MSH5: variants seen among roughly 807,000 people sequenced by gnomAD.
The protein encoded by MSH5 is mutS homolog 5, also known as mutS protein homolog 5.
A neutral mutation model predicts 107.7 loss-of-function variants in MSH5; 78 were observed. The ratio of observed to expected loss-of-function variants is 0.72; its 90% CI spans 0.60 to 0.87. The LOEUF is 0.87. Among genes scored for constraint, MSH5 ranks in the 40% least tolerant of loss-of-function variants. The probability of loss-of-function intolerance (pLI) is 0.00; values close to 1 mark genes in which losing one functional copy is unlikely to be tolerated. For missense variants in MSH5, 889 were observed against 1,046.6 expected (o/e 0.85, Z 2.08); for synonymous variants, 326 against 399.5 (o/e 0.82, Z 2.19).
intron 4 of MSH5, 39 bp downstream of exon 4, chr6:31,742,996 G>C: frequency 6.2e-6 from 10 of 1,610,984 alleles, no homozygotes; most frequent in Non-Finnish European, 8.5e-6. Context: ...AATGGGGAAG[G>C]ACTAATATAT....
Position 31,759,606 on chromosome 6 carries a change from C to A in MSH5, c.1495+94C>A. ...GGAGTGGGCAACTTGGGGATGCTTC[C>A]AACAGGCCCCTCCTCTTCCTGCTCT... On this transcript the variant is annotated intron_variant, in intron 17 of 24. Transcript: ENST00000375750. This position sits in a 1 kb window ranked among gnomAD's most constrained non-coding sequence, Gnocchi z 4.7. The A allele has an allele frequency of 1.4e-6, 2 of 1,401,350 alleles. No individual in the cohort carries two copies. Among genetic ancestry groups the A allele is most frequent in the South Asian group, 1.2e-5 (1 of 83,844 alleles). The allele number at this position is 1,401,350 out of a possible 1,614,324, so 86.8% of individuals were successfully genotyped here. A position where few individuals can be genotyped will look rare whatever the true frequency, so the allele number is the denominator to read the frequency against.
In MSH5 at chr6:31,740,504, A is replaced by G; in HGVS notation, c.38A>G (p.Gln13Arg). The G allele has an allele frequency of 6.4e-7, 1 of 1,566,722 alleles. No individual in the cohort carries two copies. The highest frequency in any genetic ancestry group is 8.7e-7 in the Non-Finnish European group (1 of 1,155,484). The part of the protein sequence containing the change: ...SLGANPRRTP[Q>R]GPRPGAASSG... ...GGAGCGAACCCAAGGAGGACACCGC[A>G]GGGACCGAGACCTGGGGCGGCCTCC... Residue 13 changes from glutamine (Q) to arginine (R), a missense_variant, in exon 2 of 25, where the codon CAG becomes CGG. By Grantham distance (43) the Gln-to-Arg change is conservative (BLOSUM62 1). Transcript: ENST00000375750. This position sits in a 1 kb window ranked among gnomAD's most constrained non-coding sequence, Gnocchi z 4.4.
chr6:31,758,653 C>T lies in MSH5; in HGVS notation c.1216+33C>T. 6.2e-7 allele frequency: 1 copy of T among 1,613,102 alleles called. No individual in the cohort carries two copies. On this transcript the variant is annotated intron_variant, in intron 14 of 24. Transcript: ENST00000375750. The surrounding 1 kb of genome is among the most constrained non-coding windows in gnomAD (Gnocchi z 5.1). Reference sequence around the variant, plus strand: ...TTGGGTGTGGATGGGCCTGTGAGCCCTGCGCAGTGATGGAGTACCATCCTT... The same window carrying T: ...TTGGGTGTGGATGGGCCTGTGAGCCTTGCGCAGTGATGGAGTACCATCCTT...
chr6:31,759,642 CACTCTG>C lies in MSH5; in HGVS notation c.1495+136_1496-133del. 3.0e-6 allele frequency: 4 copies of C among 1,333,362 alleles called. No homozygotes were observed. Among genetic ancestry groups the C allele is most frequent in the Admixed American group, 1.9e-5 (1 of 51,516 alleles). 82.6% of individuals were successfully genotyped at this position (1,333,362 alleles called of 1,614,324 possible). On this transcript the variant is annotated intron_variant, in intron 17 of 24. Coordinates refer to ENST00000375750, the MANE Select transcript of MSH5 (RefSeq NM_172166.4). The surrounding 1 kb of genome is among the most constrained non-coding windows in gnomAD (Gnocchi z 4.7). ...TCCTCTTCCTGCTCTCTGTCTCGCT[CACTCTG>C]ACTCTATCTTTTCCTCTGAATGTCT...
In MSH5 at chr6:31,743,290, C is replaced by T. The variant is rs556927237; in HGVS notation, c.415+120C>T. On this transcript the variant is annotated intron_variant, in intron 5 of 24. Coordinates refer to ENST00000375750, the MANE Select transcript of MSH5 (RefSeq NM_172166.4). ...TTATGTCATCCTAAACCTTTGTGCT[C>T]CTCATGCCCTATGACCTGTCCCCCC... The T allele has an allele frequency of 1.9e-4, 200 of 1,045,750 alleles. No individual in the cohort carries two copies. The African/African-American group carries it at 2.1e-3, about 11-fold the overall frequency. The allele number at this position is 1,045,750 out of a possible 1,614,324, so 64.8% of individuals were successfully genotyped here.
Position 31,740,311 on chromosome 6 carries a change from G to A in MSH5, c.-13-143G>A. On this transcript the variant is annotated intron_variant, in intron 1 of 24. Coordinates refer to ENST00000375750, the MANE Select transcript of MSH5 (RefSeq NM_172166.4). The surrounding 1 kb of genome is among the most constrained non-coding windows in gnomAD (Gnocchi z 4.4). ...AAATACCCGAGAATTCACCTCCTGT[G>A]TCCACAGCTCTCCACGCCCCTCAGC... 2 of 772,780 alleles carry A rather than the reference G, an allele frequency of 2.6e-6. No individual in the cohort carries two copies. Among genetic ancestry groups the A allele is most frequent in the Non-Finnish European group, 4.0e-6 (2 of 499,442 alleles). The allele number at this position is 772,780 out of a possible 1,614,324, so 47.9% of individuals were successfully genotyped here.
At chr6:31,762,220 G>A in intron 24 of MSH5, 35 bp downstream of exon 24, 1 of 1,605,344 alleles carries the variant, frequency 6.2e-7, no homozygotes, top group Admixed American at 1.7e-5. Context: ...TACCCTCTCT[G>A]CATCTTCTCC....
intron 10 of MSH5, among the ~76,000 whole-genome samples, chr6:31,750,585 G>A (rs1174354965): frequency 1.3e-5 from 2 of 152,210 alleles, no homozygotes; most frequent in Non-Finnish European, 2.9e-5. Context: ...CGAGCAGGGC[G>A]TGAGTCAGAG....
rs551896802 is a variant in MSH5, at chr6:31,760,985, T to A, written c.1962+146T>A. ...GCACTAAGGTCAGAGATAAGAAGAA[T>A]CAATACCATAAACATTTCTTGAACC... On this transcript the variant is annotated intron_variant, in intron 20 of 24. Coordinates refer to ENST00000375750, the MANE Select transcript of MSH5 (RefSeq NM_172166.4). The surrounding 1 kb of genome is among the most constrained non-coding windows in gnomAD (Gnocchi z 5.6). 1.2e-5 allele frequency: 13 copies of A among 1,102,392 alleles called. No homozygotes were observed. The highest frequency in any genetic ancestry group is 2.6e-4 in the Middle Eastern group (1 of 3,838). 68.3% of individuals were successfully genotyped at this position (1,102,392 alleles called of 1,614,324 possible). A position where few individuals can be genotyped will look rare whatever the true frequency, so the allele number is the denominator to read the frequency against.
In MSH5 at chr6:31,741,336, TACACACACACACACACACAC is replaced by T. The variant is rs9279401; in HGVS notation, c.271+78_271+97del. 1.0e-3 allele frequency: 930 copies of T among 897,106 alleles called. 2 individuals are homozygous for T. The highest frequency in any genetic ancestry group is 5.7e-3 in the South Asian group (337 of 59,584). 55.6% of individuals were successfully genotyped at this position (897,106 alleles called of 1,614,324 possible). On this transcript the variant is annotated intron_variant, in intron 3 of 24. Coordinates refer to ENST00000375750, the MANE Select transcript of MSH5 (RefSeq NM_172166.4). ...CTGCTCTCTGGGATTGCAGATGTGT[TACACACACACACACACACAC>T]ACACACACACACACACACACACACA...
Position 31,753,349 on chromosome 6 carries a change from T to C in MSH5, c.861T>C (p.Arg287=). The change falls in exon 11 of 25, where the codon CGT becomes CGC. Residue 287 remains arginine (R), a synonymous_variant. Transcript: ENST00000375750. The part of the protein sequence containing the change: ...PTHDLGELSS[R]LDVIQFFLLP... ...ATGACCTGGGGGAGCTCAGTTCTCG[T>C]CTGGACGTCATTCAGTTTTTTCTGC... 1 of 1,614,174 alleles carries C rather than the reference T, an allele frequency of 6.2e-7. No homozygotes were observed. Among genetic ancestry groups the C allele is most frequent in the East Asian group, 2.2e-5 (1 of 44,882 alleles).
intron 5 of MSH5, among the ~76,000 whole-genome samples, chr6:31,743,647 G>A (rs1480168744): frequency 6.6e-6 from 1 of 152,154 alleles, no homozygotes; most frequent in Admixed American, 6.6e-5. Context: ...CTCAATTCCA[G>A]ACAGATGTCT....
Position 31,762,106 on chromosome 6 carries a change from T to A in MSH5, c.2320-6T>A, listed in dbSNP as rs368416708. 161 of 1,614,072 alleles carry A rather than the reference T, an allele frequency of 1.0e-4. No individual in the cohort carries two copies. The highest frequency in any genetic ancestry group is 1.3e-4 in the Non-Finnish European group (157 of 1,180,044). On this transcript the variant is annotated splice_region_variant and splice_polypyrimidine_tract_variant and intron_variant, in intron 23 of 24. Coordinates refer to ENST00000375750, the MANE Select transcript of MSH5 (RefSeq NM_172166.4). ...TTACTCCTCCCACCTTCTTGCTTGT[T>A]CCTAGGTCTCAGACTTGATCCGCAG...
Position 31,761,621 on chromosome 6 carries a change from G to C in MSH5, c.2181+6G>C, listed in dbSNP as rs780469831. 1 of 1,614,130 alleles carries C rather than the reference G, an allele frequency of 6.2e-7. No individual in the cohort carries two copies. Among genetic ancestry groups the C allele is most frequent in the Non-Finnish European group, 8.5e-7 (1 of 1,180,042 alleles). On this transcript the variant is annotated splice_donor_region_variant and intron_variant, in intron 22 of 24. Coordinates refer to ENST00000375750, the MANE Select transcript of MSH5 (RefSeq NM_172166.4). This position sits in a 1 kb window ranked among gnomAD's most constrained non-coding sequence, Gnocchi z 5.3. ...GGCCCCTGGTGCAGTATTTGGTGAG[G>C]AGACCAATCTAGCTCCTCGGGGACC... is the stretch of plus-strand genomic sequence containing the variant.
At chr6:31,747,281 A>T (rs1809548448) in intron 9 of MSH5, 106 bp from the exon 10 acceptor site, 1 of 1,254,286 alleles carries the variant, frequency 8.0e-7, no homozygotes, top group East Asian at 2.4e-5. Flanking sequence ...CAGCTTCCTC[A>T]ACAACCAGCA....
chr6:31,740,729 G>A lies in MSH5; in HGVS notation c.147+116G>A. ...TAATCTTAGCACTTTGGGAGACTGA[G>A]GCGGGCGGATCACCTGAGCTCAGGA... On this transcript the variant is annotated intron_variant, in intron 2 of 24. Transcript: ENST00000375750. The surrounding 1 kb of genome is among the most constrained non-coding windows in gnomAD (Gnocchi z 4.4). 8.3e-7 allele frequency: 1 copy of A among 1,200,590 alleles called. No homozygotes were observed. Among genetic ancestry groups the A allele is most frequent in the Non-Finnish European group, 1.1e-6 (1 of 908,600 alleles). 74.4% of individuals were successfully genotyped at this position (1,200,590 alleles called of 1,614,324 possible). A position where few individuals can be genotyped will look rare whatever the true frequency, so the allele number is the denominator to read the frequency against.
chr6:31,745,484 T>A (rs191774159), intron 9 of MSH5, among the ~76,000 whole-genome samples, 165 bp downstream of exon 9: 1 of 148,232 alleles, frequency 6.7e-6, no homozygotes, highest in African/African-American at 2.5e-5. Flanking sequence ...CCCCCCAAGC[T>A]TGAGCATCTT....
chr6:31,753,526 A>T, intron 11 of MSH5, 41 bp from the exon 12 acceptor site: 4 of 1,613,818 alleles, frequency 2.5e-6, no homozygotes, highest in Non-Finnish European at 3.4e-6. Context: ...CATTAGAGTG[A>T]GGGAAGAGAA....
rs769037283 is a variant in MSH5 at position 31,761,501 on chromosome 6, G to T, written c.2067G>T (p.Val689=). 6.2e-7 allele frequency: 1 copy of T among 1,613,452 alleles called. No homozygotes were observed. The highest frequency in any genetic ancestry group is 8.5e-7 in the Non-Finnish European group (1 of 1,180,058). ...ATGGGCTCGCGCTTCTGGCCGCTGT[G>T]CTCCGACACTGGCTGGCACGTGGAC... ...TVDGLALLAA[V]LRHWLARGPT... The change falls in exon 22 of 25, where the codon GTG becomes GTT. Residue 689 remains valine, a synonymous_variant. Transcript: ENST00000375750. This position sits in a 1 kb window ranked among gnomAD's most constrained non-coding sequence, Gnocchi z 5.3.
Sources: allele counts gnomAD v4.1 joint callset (sites outside exome capture counted in the v4.1 genomes callset), GRCh38; gene constraint gnomAD v4.1.1; non-coding constraint Gnocchi (gnomAD v3.1); transcripts MANE v1.5; gene names NCBI Gene and HGNC (gene_info 2026-07-23, HGNC 2026-07-21).